ARFIP1: variants seen among roughly 807,000 people sequenced by gnomAD.
The protein encoded by ARFIP1 is ARF interacting protein 1.
ARFIP1 carries 24 observed loss-of-function variants against 42.5 expected under a neutral mutation model. The ratio of observed to expected loss-of-function variants is 0.57; its 90% CI spans 0.41 to 0.80. The LOEUF is 0.80. ARFIP1 is among the 30% of genes least tolerant of loss of function. ARFIP1 has a pLI of 0.00. For missense variants in ARFIP1, 354 were observed against 434.0 expected, an observed-to-expected ratio of 0.82 and a Z score of 1.64; for synonymous variants, 141 against 153.7, an observed-to-expected ratio of 0.92 and a Z score of 0.61.
chr4:152,876,844 T>C (rs1429857858), intron 5 of ARFIP1, among the ~76,000 whole-genome samples: 2 of 152,198 alleles, frequency 1.3e-5, no homozygotes, highest in Non-Finnish European at 2.9e-5. Context: ...AAGGGGCCAA[T>C]GTAGAGCTTG....
intron 3 of ARFIP1, among the ~76,000 whole-genome samples, chr4:152,869,843 A>C (rs957039743): frequency 5.9e-4 from 90 of 152,232 alleles, no homozygotes; most frequent in African/African-American, 2.1e-3. Context: ...ACTCAGTGTT[A>C]GAATTTAAAA....
chr4:152,874,663 CTGTTTGTT>C (rs201739237), intron 5 of ARFIP1, among the ~76,000 whole-genome samples: 1 of 151,994 alleles, frequency 6.6e-6, no homozygotes, highest in Non-Finnish European at 1.5e-5. Context: ...TATCCATTTA[CTGTTTGTT>C]TGTTTGTTTG....
intron 2 of ARFIP1, among the ~76,000 whole-genome samples, chr4:152,847,925 A>G (rs867772554): frequency 6.6e-5 from 10 of 152,188 alleles, no homozygotes; most frequent in Middle Eastern, 3.2e-3. Flanking sequence ...ACCTATGAAC[A>G]CTTTCTCTAG....
chr4:152,812,700 C>G (rs185941567), intron 1 of ARFIP1, among the ~76,000 whole-genome samples: 4 of 152,328 alleles, frequency 2.6e-5, no homozygotes, highest in African/African-American at 9.6e-5. Context: ...ACACTAGACT[C>G]AATCTCTGGC....
chr4:152,796,218 T>G, intron 1 of ARFIP1: 3 of 834,860 alleles, frequency 3.6e-6, no homozygotes, highest in Non-Finnish European at 6.2e-6. Context: ...CCCAAAGTTG[T>G]ATACAGCGGG....
chr4:152,903,715 T>G (rs1332876018), intron 8 of ARFIP1, among the ~76,000 whole-genome samples: 1 of 152,120 alleles, frequency 6.6e-6, no homozygotes, highest in East Asian at 1.9e-4. Context: ...TCCCATGGAT[T>G]AAGTTGCATT....
chr4:152,812,537 T>C (rs1374273689), intron 1 of ARFIP1, among the ~76,000 whole-genome samples: 2 of 152,236 alleles, frequency 1.3e-5, no homozygotes, highest in African/African-American at 2.4e-5. Context: ...TTGAGTTCTT[T>C]TGTCATTCTT....
At chr4:152,866,264 A>T (rs1200813274) in intron 3 of ARFIP1, among the ~76,000 whole-genome samples, 1 of 152,224 alleles carries the variant, frequency 6.6e-6, no homozygotes, top group Non-Finnish European at 1.5e-5. Flanking sequence ...TCCCATGTCT[A>T]CTTCTTTCTA....
chr4:152,781,234 C>CTTTTT (rs535397594), intron 1 of ARFIP1, among the ~76,000 whole-genome samples: 20 of 118,918 alleles, frequency 1.7e-4, no homozygotes, highest in South Asian at 2.7e-4. Flanking sequence ...TTTCTTTTTT[C>CTTTTT]TTTTTTTTTT....
At chr4:152,809,462 A>G (rs1343585205) in intron 1 of ARFIP1, among the ~76,000 whole-genome samples, 1 of 152,220 alleles carries the variant, frequency 6.6e-6, no homozygotes, top group Non-Finnish European at 1.5e-5. Flanking sequence ...TTAATTTCAA[A>G]AGATTAAAAT....
At chr4:152,906,365 C>A (rs62320565) in intron 8 of ARFIP1, among the ~76,000 whole-genome samples, 3 of 152,206 alleles carry the variant, frequency 2.0e-5, no homozygotes, top group Non-Finnish European at 4.4e-5. Context: ...TCCATGCCTG[C>A]CCCTCTCACA....
chr4:152,905,377 C>T (rs1289889299), intron 8 of ARFIP1, among the ~76,000 whole-genome samples: 1 of 151,868 alleles, frequency 6.6e-6, no homozygotes, highest in African/African-American at 2.4e-5. Flanking sequence ...TTAATTTTAG[C>T]CATTCTAGTG....
chr4:152,841,980 T>G (rs1732122424), intron 2 of ARFIP1, among the ~76,000 whole-genome samples: 1 of 152,118 alleles, frequency 6.6e-6, no homozygotes, highest in South Asian at 2.1e-4. Flanking sequence ...CCAGCAGCAC[T>G]TGGGTTTTCC....
At chr4:152,836,099 G>A (rs1731626454) in intron 2 of ARFIP1, among the ~76,000 whole-genome samples, 1 of 152,202 alleles carries the variant, frequency 6.6e-6, no homozygotes, top group African/African-American at 2.4e-5. Context: ...AGATTTGGAG[G>A]AGACGAACAT....
chr4:152,905,424 C>G, intron 8 of ARFIP1, among the ~76,000 whole-genome samples: 1 of 151,484 alleles, frequency 6.6e-6, no homozygotes, highest in Non-Finnish European at 1.5e-5. Context: ...TTCCTAATAA[C>G]TAAAGATGTT....
At chr4:152,881,277 T>TA (rs1458188222) in intron 6 of ARFIP1, 93 bp downstream of exon 6, 5 of 978,142 alleles carry the variant, frequency 5.1e-6, no homozygotes, top group African/African-American at 1.7e-5. Flanking sequence ...GCTGAACTCT[T>TA]AATGAAGATG....
At chr4:152,797,584 GGGATATCTTTCTCTTT>G (rs1731545452) in intron 1 of ARFIP1, among the ~76,000 whole-genome samples, 1 of 152,116 alleles carries the variant, frequency 6.6e-6, no homozygotes, top group South Asian at 2.1e-4. Context: ...TCTTAGAATG[GGGATATCTTTCTCTTT>G]GCTCAAGTGT....
At position 152,785,822 on chromosome 4, in the gene ARFIP1, A is replaced by G. The variant is rs183561433; in HGVS notation, c.-10+5596A>G. Among the ~76,000 whole-genome samples the G allele has an allele frequency of 2.6e-5, 4 of 152,352 alleles. No individual in the cohort carries two copies. The East Asian group carries it at 7.7e-4, about 29-fold the overall frequency. The stretch of plus-strand genomic sequence containing the variant: ...CATGTAGCTATTTAAGTTAGTTAAA[A>G]TTAAATACAATAAAAGATTCAGTTC... On this transcript the variant is annotated intron_variant, in intron 1 of 8. Transcript: ENST00000353617.
At chr4:152,800,456 A>C (rs1249687823) in intron 1 of ARFIP1, among the ~76,000 whole-genome samples, 2 of 152,200 alleles carry the variant, frequency 1.3e-5, no homozygotes, top group African/African-American at 4.8e-5. Flanking sequence ...TTTGAGCCTC[A>C]ATGAAAGAAA....
Sources: allele counts gnomAD v4.1 joint callset (sites outside exome capture counted in the v4.1 genomes callset), GRCh38; gene constraint gnomAD v4.1.1; transcripts MANE v1.5; gene names NCBI Gene and HGNC (gene_info 2026-07-23, HGNC 2026-07-21).